Variants in DZIP1L observed in about 807,000 individuals in gnomAD.
DZIP1L encodes cilium assembly protein DZIP1L.
Under a neutral mutation model 88.7 loss-of-function variants are expected in DZIP1L, and 90 were observed. That is an observed-to-expected ratio of 1.02 (90% CI 0.86 to 1.21). The LOEUF (loss-of-function observed/expected upper bound fraction) is 1.21. Among genes scored for constraint, DZIP1L ranks in the 50% most tolerant of loss-of-function variants. The pLI, the probability that DZIP1L is intolerant of heterozygous loss-of-function variation, is 0.00. For missense variants in DZIP1L, 932 were observed against 955.8 expected (o/e 0.98, Z 0.33); for synonymous variants, 363 against 372.1 (o/e 0.98, Z 0.28).
intron 5 of DZIP1L, chr3:138,089,224 T>C (rs1002184727): frequency 4.1e-6 from 4 of 985,324 alleles, no homozygotes; most frequent in Admixed American, 6.1e-5. Flanking sequence ...TTCTCAACTA[T>C]TGCTAAACAA....
chr3:138,110,306 T>G (rs920998774), intron 1 of DZIP1L, among the ~76,000 whole-genome samples: 102 of 151,998 alleles, frequency 6.7e-4, no homozygotes, highest in African/African-American at 2.4e-3. Context: ...TGTTGGGGGA[T>G]GGAGGGCTGG....
At chr3:138,068,453 C>T in intron 12 of DZIP1L, 86 bp from the exon 13 acceptor site, 1 of 1,017,900 alleles carries the variant, frequency 9.8e-7, no homozygotes, top group South Asian at 2.0e-5. Context: ...CTCCAACACC[C>T]TGGAAATGAA....
chr3:138,089,520 G>A (rs1944104523), intron 5 of DZIP1L, among the ~76,000 whole-genome samples: 1 of 152,098 alleles, frequency 6.6e-6, no homozygotes, highest in African/African-American at 2.4e-5. Context: ...CTGTATCAGG[G>A]AAAAAGTTTT....
chr3:138,088,708 A>G, intron 5 of DZIP1L: 1 of 1,245,382 alleles, frequency 8.0e-7, no homozygotes, highest in East Asian at 3.3e-5. Flanking sequence ...CAGCCCTTGC[A>G]TAGAAAAAGC....
chr3:138,094,035 T>C (rs960665428), intron 4 of DZIP1L, among the ~76,000 whole-genome samples: 1 of 152,246 alleles, frequency 6.6e-6, no homozygotes, highest in East Asian at 1.9e-4. Context: ...GCTTTCGACA[T>C]GCCTTCATCA....
chr3:138,071,392 G>T (rs1048120175), intron 12 of DZIP1L, among the ~76,000 whole-genome samples: 4 of 152,150 alleles, frequency 2.6e-5, no homozygotes, highest in Admixed American at 2.6e-4. Flanking sequence ...CTGACAACAG[G>T]CTCCAGCTCC....
Position 138,115,383 on chromosome 3 carries a change from C to G in DZIP1L, c.-137G>C, listed in dbSNP as rs1018579183. On this transcript the variant is annotated 5_prime_UTR_variant, in exon 1 of 16. An upstream start codon of the reference 5' UTR is lost. Coordinates refer to ENST00000327532, the MANE Select transcript of DZIP1L (RefSeq NM_173543.3). The stretch of plus-strand genomic sequence containing the variant: ...GAAGACGTCTCGAGGTGGCGGCTCC[C>G]ATACTCGCCCCACGTCCCGCCTCCA... 1 of 152,288 alleles carries G rather than the reference C, an allele frequency of 6.6e-6. No individual in the cohort carries two copies. The highest frequency in any genetic ancestry group is 1.5e-5 in the Non-Finnish European group (1 of 68,092). 9.4% of individuals were successfully genotyped at this position (152,288 alleles called of 1,614,324 possible).
intron 11 of DZIP1L, among the ~76,000 whole-genome samples, chr3:138,073,190 G>A (rs1943258259): frequency 6.6e-6 from 1 of 152,118 alleles, no homozygotes; most frequent in Non-Finnish European, 1.5e-5. Context: ...GGCAAGTAGG[G>A]AAGTATGCAT....
intron 1 of DZIP1L, 124 bp from the exon 2 acceptor site, chr3:138,104,176 G>A: frequency 1.1e-6 from 1 of 903,376 alleles, no homozygotes. Flanking sequence ...TAGCATTCAT[G>A]GTGTGTGCTG....
intron 1 of DZIP1L, among the ~76,000 whole-genome samples, chr3:138,114,517 G>C (rs1016146624): frequency 6.6e-6 from 1 of 152,182 alleles, no homozygotes; most frequent in Non-Finnish European, 1.5e-5. Flanking sequence ...TCACATCCGG[G>C]AGGGGGAGGA....
At chr3:138,097,636 C>A (rs1944540808) in intron 3 of DZIP1L, 127 bp downstream of exon 3, 4 of 840,134 alleles carry the variant, frequency 4.8e-6, no homozygotes, top group Non-Finnish European at 7.4e-6. Flanking sequence ...GGGATCATCC[C>A]ATCCCCAATT....
Position 138,104,001 on chromosome 3 carries a change from G to C in DZIP1L, c.-30C>G, listed in dbSNP as rs761625326. ...AGAGGAAGCCCTGAGCTGACCACCA[G>C]AGGAGGGGGGCACCAAGGCCACGGC... On this transcript the variant is annotated 5_prime_UTR_variant, in exon 2 of 16. Transcript: ENST00000327532. 3.8e-6 allele frequency: 6 copies of C among 1,583,506 alleles called. No homozygotes were observed. Among genetic ancestry groups the C allele is most frequent in the Non-Finnish European group, 5.1e-6 (6 of 1,170,232 alleles).
At position 138,067,779 on chromosome 3, in the gene DZIP1L, A is replaced by C. The variant is rs1234844565; in HGVS notation, c.1833-79T>G. The stretch of plus-strand genomic sequence containing the variant: ...AAAAGCCAAACTTCACCACGCTTCA[A>C]GCTGGTTTGGTTTGCTCAGGGCCAG... On this transcript the variant is annotated intron_variant, in intron 13 of 15. Coordinates refer to ENST00000327532, the MANE Select transcript of DZIP1L (RefSeq NM_173543.3). 28 of 1,453,884 alleles carry C rather than the reference A, an allele frequency of 1.9e-5. No individual in the cohort carries two copies. The South Asian group carries it at 3.4e-4, about 18-fold the overall frequency. 90.1% of individuals were successfully genotyped at this position (1,453,884 alleles called of 1,614,324 possible).
intron 11 of DZIP1L, among the ~76,000 whole-genome samples, chr3:138,076,306 T>G (rs994115704): frequency 2.0e-5 from 3 of 152,236 alleles, no homozygotes; most frequent in African/African-American, 7.2e-5. Context: ...ACTTTTACAC[T>G]GTTGGTGGGA....
chr3:138,064,150 C>G (rs1424840313), intron 15 of DZIP1L, among the ~76,000 whole-genome samples: 1 of 152,174 alleles, frequency 6.6e-6, no homozygotes, highest in African/African-American at 2.4e-5. Flanking sequence ...ACAGAGGTAT[C>G]TAAATATTCC....
intron 11 of DZIP1L, among the ~76,000 whole-genome samples, chr3:138,075,956 CA>C (rs1230517935): frequency 6.7e-6 from 1 of 150,242 alleles, no homozygotes; most frequent in East Asian, 1.9e-4. Context: ...AGATTCGTCT[CA>C]AAAAAAAAGG....
chr3:138,074,503 C>T (rs1473081339), intron 11 of DZIP1L, among the ~76,000 whole-genome samples: 5 of 152,118 alleles, frequency 3.3e-5, no homozygotes, highest in Admixed American at 3.3e-4. Flanking sequence ...TCCAGACAAA[C>T]AAATGCTGAG....
At chr3:138,077,447 T>G in intron 11 of DZIP1L, 52 bp downstream of exon 11, 1 of 1,605,818 alleles carries the variant, frequency 6.2e-7, no homozygotes, top group Non-Finnish European at 8.5e-7. Context: ...TGAGAACACT[T>G]AGTGTCTAAA....
At chr3:138,096,789 G>T (rs1171482741) in intron 3 of DZIP1L, among the ~76,000 whole-genome samples, 2 of 151,912 alleles carry the variant, frequency 1.3e-5, no homozygotes, top group African/African-American at 4.8e-5. Context: ...TATGAAAAGA[G>T]AATTTGAATG....
Sources: gnomAD v4.1 joint callset for allele counts (sites outside exome capture counted in the v4.1 genomes callset) on GRCh38, gnomAD v4.1.1 for gene constraint, MANE v1.5 for transcripts, NCBI Gene and HGNC (gene_info 2026-07-23, HGNC 2026-07-21) for gene names.